Variants in AGBL4 observed in about 807,000 individuals in gnomAD.
AGBL4 encodes AGBL carboxypeptidase 4.
A neutral mutation model predicts 66.4 loss-of-function variants in AGBL4; 58 were observed. The ratio of observed to expected loss-of-function variants is 0.87; its 90% confidence interval spans 0.71 to 1.09. The LOEUF (loss-of-function observed/expected upper bound fraction) is 1.09, where lower values mean the gene tolerates loss of function less well. Among genes scored for constraint, AGBL4 ranks in the 50% least tolerant of loss-of-function variants. AGBL4 has a pLI of 0.00. For missense variants in AGBL4, 579 were observed against 631.0 expected (o/e 0.92, Z 0.88); for synonymous variants, 234 against 222.9 (o/e 1.05, Z -0.44).
intron 4 of AGBL4, among the ~76,000 whole-genome samples, chr1:49,083,626 T>C (rs1309478466): frequency 2.0e-5 from 3 of 152,234 alleles, no homozygotes; most frequent in Non-Finnish European, 2.9e-5. Context: ...AGGCTTGTGA[T>C]AGGAGGGGCT....
chr1:49,735,211 A>C (rs1649767714), intron 2 of AGBL4, among the ~76,000 whole-genome samples: 1 of 152,036 alleles, frequency 6.6e-6, no homozygotes, highest in Non-Finnish European at 1.5e-5. Flanking sequence ...CAGTAAGACC[A>C]TAACATCAAA....
intron 5 of AGBL4, among the ~76,000 whole-genome samples, chr1:48,875,651 G>GCGGC (rs779651060): frequency 5.3e-5 from 8 of 152,118 alleles, no homozygotes; most frequent in Non-Finnish European, 1.0e-4. Context: ...TCAGCCTCTG[G>GCGGC]CGGCCGGCAC....
chr1:49,159,905 A>G (rs1646508222), intron 4 of AGBL4, among the ~76,000 whole-genome samples: 1 of 152,040 alleles, frequency 6.6e-6, no homozygotes, highest in African/African-American at 2.4e-5. Context: ...TGTGTTTTTC[A>G]GCTCCAGGAG....
chr1:48,535,221 A>T (rs61772807), intron 12 of AGBL4, among the ~76,000 whole-genome samples: 19,541 of 152,036 alleles, frequency 0.13, 1,363 homozygotes, highest in Middle Eastern at 0.16. Context: ...AAAGATGGGG[A>T]CACGAGAGAG....
At position 48,534,305 on chromosome 1, in the gene AGBL4, G is replaced by A. The variant is rs769268192; in HGVS notation, c.1392-12C>T. ...GGGATTTTTCTTTCCTGCAAAGGGG[G>A]AGATAACAGAAAGAGAGAAGACAGC... On this transcript the variant is annotated splice_polypyrimidine_tract_variant and intron_variant, in intron 13 of 13. Coordinates refer to ENST00000371839, the MANE Select transcript of AGBL4 (RefSeq NM_032785.4). 22 of 1,547,286 alleles carry A rather than the reference G, an allele frequency of 1.4e-5. No homozygotes were observed. The African/African-American group carries it at 3.0e-4, about 21-fold the overall frequency.
chr1:48,575,830 C>T (rs952314680), intron 11 of AGBL4, among the ~76,000 whole-genome samples: 1 of 152,184 alleles, frequency 6.6e-6, no homozygotes, highest in Non-Finnish European at 1.5e-5. Context: ...TCTCCTCCAC[C>T]ACCTGGGAAC....
intron 3 of AGBL4, among the ~76,000 whole-genome samples, chr1:49,396,563 A>G (rs1341266095): frequency 6.6e-6 from 1 of 152,212 alleles, no homozygotes; most frequent in Admixed American, 6.5e-5. Flanking sequence ...AATAAATGAC[A>G]TTCAACATGT....
intron 6 of AGBL4, among the ~76,000 whole-genome samples, chr1:48,753,608 A>G (rs532698683): frequency 7.2e-5 from 11 of 152,328 alleles, no homozygotes; most frequent in African/African-American, 2.6e-4. Flanking sequence ...GTTGAAACAG[A>G]TATGCAGGCC....
intron 6 of AGBL4, among the ~76,000 whole-genome samples, chr1:48,674,830 C>T (rs1330635820): frequency 6.6e-6 from 1 of 152,132 alleles, no homozygotes; most frequent in Non-Finnish European, 1.5e-5. Context: ...ACTCCCTCCC[C>T]CAGGAAGCCT....
chr1:49,994,045 T>C (rs1660167986), intron 1 of AGBL4, among the ~76,000 whole-genome samples: 1 of 152,222 alleles, frequency 6.6e-6, no homozygotes, highest in South Asian at 2.1e-4. Flanking sequence ...AGCTGTACGA[T>C]GTTTTTGGCA....
chr1:49,958,285 C>A (rs906237709), intron 1 of AGBL4, among the ~76,000 whole-genome samples: 7 of 152,096 alleles, frequency 4.6e-5, no homozygotes, highest in Non-Finnish European at 8.8e-5. Context: ...CTCTGGCTGC[C>A]CTGAATATTT....
intron 3 of AGBL4, among the ~76,000 whole-genome samples, chr1:49,431,353 TA>T (rs1480971098): frequency 6.6e-6 from 1 of 152,172 alleles, no homozygotes; most frequent in Non-Finnish European, 1.5e-5. Flanking sequence ...CCACAGCAAT[TA>T]AAAATAACAT....
At chr1:49,413,810 G>A (rs1373578807) in intron 3 of AGBL4, among the ~76,000 whole-genome samples, 2 of 152,038 alleles carry the variant, frequency 1.3e-5, no homozygotes, top group Non-Finnish European at 1.5e-5. Flanking sequence ...CTTTGAAATC[G>A]GGGAAATCTT....
chr1:49,849,773 GGAA>G (rs1646260023), intron 2 of AGBL4, among the ~76,000 whole-genome samples: 1 of 152,086 alleles, frequency 6.6e-6, no homozygotes, highest in Non-Finnish European at 1.5e-5. Context: ...TGTAAAGGAT[GGAA>G]GAAGACTGCA....
intron 4 of AGBL4, among the ~76,000 whole-genome samples, chr1:49,079,944 C>G (rs1644779318): frequency 6.6e-6 from 1 of 152,092 alleles, no homozygotes; most frequent in African/African-American, 2.4e-5. Context: ...AAAACCAGTG[C>G]TAAGACATTT....
intron 5 of AGBL4, among the ~76,000 whole-genome samples, chr1:49,008,285 A>C (rs1008540476): frequency 2.0e-5 from 3 of 152,222 alleles, no homozygotes; most frequent in Admixed American, 2.0e-4. Context: ...AAAGAAGGCC[A>C]CTACATAATG....
chr1:49,237,176 T>A (rs1650822434), intron 4 of AGBL4, among the ~76,000 whole-genome samples: 1 of 151,116 alleles, frequency 6.6e-6, no homozygotes, highest in Non-Finnish European at 1.5e-5. Context: ...GGCAGGAGAA[T>A]GGAGTGAACC....
At chr1:49,570,512 C>A (rs758496470) in intron 3 of AGBL4, among the ~76,000 whole-genome samples, 3 of 151,828 alleles carry the variant, frequency 2.0e-5, no homozygotes, top group Non-Finnish European at 4.4e-5. Context: ...TGCATTATTT[C>A]CAAATGTTTT....
chr1:49,283,226 C>A (rs1329896945), intron 3 of AGBL4, among the ~76,000 whole-genome samples: 1 of 152,206 alleles, frequency 6.6e-6, no homozygotes, highest in Non-Finnish European at 1.5e-5. Context: ...GACCCCCGAG[C>A]AGCCTAACTG....
Sources: gnomAD v4.1 joint callset for allele counts (sites outside exome capture counted in the v4.1 genomes callset) on GRCh38, gnomAD v4.1.1 for gene constraint, MANE v1.5 for transcripts, NCBI Gene and HGNC (gene_info 2026-07-23, HGNC 2026-07-21) for gene names.